The following JPT2 variants were observed in gnomAD, a reference collection of about 807,000 sequenced individuals.
JPT2 encodes Jupiter microtubule associated homolog 2.
In JPT2, 9 loss-of-function variants were observed where a neutral mutation model predicts 15.9. That is an observed-to-expected ratio of 0.57 (90% confidence interval 0.34 to 0.99). The LOEUF is 0.99. Ranked by LOEUF, JPT2 falls within the 50% of genes least tolerant of loss-of-function variation. The pLI is 0.02. For synonymous variants in JPT2, 95 were observed against 91.7 expected (o/e 1.04, Z -0.21); for missense variants, 267 against 252.1 (o/e 1.06, Z -0.40).
chr16:1,702,206 C>T (rs759316041), downstream of JPT2: 6 of 454,228 alleles, frequency 1.3e-5, no homozygotes, highest in Non-Finnish European at 2.7e-5. Context: ...GGCTCCACAC[C>T]ATTCTGCCTG....
intron 3 of JPT2, among the ~76,000 whole-genome samples, chr16:1,694,335 A>G (rs1160495910): frequency 6.6e-6 from 1 of 152,252 alleles, no homozygotes. Context: ...ACCAAGCCAC[A>G]TATTAATTAA....
At chr16:1,692,200 C>G in intron 3 of JPT2, 1 of 624,328 alleles carries the variant, frequency 1.6e-6, no homozygotes, top group South Asian at 2.0e-5. Flanking sequence ...GTGGGGGAAG[C>G]TCTTCTGTGC....
At chr16:1,678,702 TTC>T (rs2036994616) in intron 1 of JPT2, among the ~76,000 whole-genome samples, 1 of 150,006 alleles carries the variant, frequency 6.7e-6, no homozygotes, top group African/African-American at 2.4e-5. Flanking sequence ...CGTGGGGGGT[TTC>T]CTGGGGGCGG....
intron 2 of JPT2, chr16:1,685,951 AGT>A (rs760428432): frequency 1.5e-4 from 30 of 196,118 alleles, no homozygotes; most frequent in Non-Finnish European, 2.5e-4. Flanking sequence ...AGGGAGGGAG[AGT>A]GTTTTTATTC....
Position 1,698,480 on chromosome 16 carries a change from A to G in JPT2, c.386-331A>G, listed in dbSNP as rs2037158266. Among the ~76,000 whole-genome samples, 1 of 152,026 alleles carries G rather than the reference A, an allele frequency of 6.6e-6. No homozygotes were observed. Among genetic ancestry groups the G allele is most frequent in the Admixed American group, 6.5e-5 (1 of 15,272 alleles). On this transcript the variant is annotated intron_variant, in intron 4 of 4. Transcript: ENST00000248098. This position sits in a 1 kb window ranked among gnomAD's most constrained non-coding sequence, Gnocchi z 4.9. Reference sequence around the variant, plus strand: ...TGCATTCCCTCGCCGCCTCATGGTCACTCTCAGGGGCTTGCTTTCTATACT... The same window carrying G: ...TGCATTCCCTCGCCGCCTCATGGTCGCTCTCAGGGGCTTGCTTTCTATACT...
intron 1 of JPT2, chr16:1,680,446 C>T (rs1370492196): frequency 1.6e-6 from 2 of 1,229,346 alleles, no homozygotes; most frequent in South Asian, 2.7e-5. Context: ...AGGGAGAAAA[C>T]TCTTCCTTTT....
chr16:1,682,155 C>T (rs1176978143), intron 1 of JPT2, among the ~76,000 whole-genome samples: 2 of 151,998 alleles, frequency 1.3e-5, no homozygotes. Flanking sequence ...GCGGGCGGAT[C>T]ACTTGAGGTC....
At position 1,698,954 on chromosome 16, in the gene JPT2, G is replaced by T. The variant is rs1482412275; in HGVS notation, c.529G>T (p.Val177Phe). 6.2e-7 allele frequency: 1 copy of T among 1,613,870 alleles called. No homozygotes were observed. Among genetic ancestry groups the T allele is most frequent in the South Asian group, 1.1e-5 (1 of 91,076 alleles). Reference protein sequence around the residue: ...LGPRPRSHNKVLNPPGGKSSI... With the variant: ...LGPRPRSHNKFLNPPGGKSSI... ...GCCGCGGCCTCGCTCTCACAACAAG[G>T]TCCTGAACCCACCGGGAGGCAAATC... Residue 177 changes from valine to phenylalanine, a missense_variant, in exon 5 of 5, where the codon GTC becomes TTC. By Grantham distance (50) the Val-to-Phe change is conservative. Transcript: ENST00000248098. The surrounding 1 kb of genome is among the most constrained non-coding windows in gnomAD (Gnocchi z 4.9).
At position 1,693,637 on chromosome 16, in the gene JPT2, G is replaced by A. The variant is rs533175397; in HGVS notation, c.336+1652G>A. Among the ~76,000 whole-genome samples the A allele has an allele frequency of 3.3e-5, 5 of 152,252 alleles. No individual in the cohort carries two copies. In the East Asian group the frequency reaches 9.6e-4, roughly 29 times the overall value. On this transcript the variant is annotated intron_variant, in intron 3 of 4. Coordinates refer to ENST00000248098, the MANE Select transcript of JPT2 (RefSeq NM_144570.3). The stretch of plus-strand genomic sequence containing the variant: ...ATCAGTACAACTGGGCATAGAACAA[G>A]TGGAAACAGAGTAGAGCTTTCTTTG...
chr16:1,699,857 A>T lies in JPT2; in HGVS notation c.*859A>T, dbSNP rs1043700271. On this transcript the variant is annotated 3_prime_UTR_variant, in exon 5 of 5. Coordinates refer to ENST00000248098, the MANE Select transcript of JPT2 (RefSeq NM_144570.3). ...AATGAGGCCCGCTGACCTCTGCGGG[A>T]CTTTAAAAATCTATTCAGATATTTC... 7.0e-6 allele frequency: 2 copies of T among 284,780 alleles called. No homozygotes were observed. The highest frequency in any genetic ancestry group is 1.4e-5 in the Non-Finnish European group (2 of 138,648). 17.6% of individuals were successfully genotyped at this position (284,780 alleles called of 1,614,324 possible).
At position 1,699,532 on chromosome 16, in the gene JPT2, CT is replaced by C; in HGVS notation, c.*538del. ...GTCTTTTCTTGAAACATCTTGATTG[CT>C]TTTCCTCGGCAGCTTTCAAAAAACC... On this transcript the variant is annotated 3_prime_UTR_variant, in exon 5 of 5. Transcript: ENST00000248098. 3.1e-6 allele frequency: 1 copy of C among 319,268 alleles called. No individual in the cohort carries two copies. Among genetic ancestry groups the C allele is most frequent in the South Asian group, 2.7e-5 (1 of 37,372 alleles). 19.8% of individuals were successfully genotyped at this position (319,268 alleles called of 1,614,324 possible).
At chr16:1,694,614 A>G (rs1219665707) in intron 3 of JPT2, among the ~76,000 whole-genome samples, 1 of 152,218 alleles carries the variant, frequency 6.6e-6, no homozygotes, top group Non-Finnish European at 1.5e-5. Flanking sequence ...TCCAAACAGC[A>G]TGGCACTGGC....
At chr16:1,702,320 G>A (rs549115253), downstream of JPT2, 187 of 305,462 alleles carry the variant, frequency 6.1e-4, no homozygotes, top group African/African-American at 3.7e-3. Flanking sequence ...GGTATAGAGC[G>A]AGTTCCAAGA....
chr16:1,698,411 C>T lies in JPT2; in HGVS notation c.386-400C>T, dbSNP rs1311559916. Among the ~76,000 whole-genome samples the T allele has an allele frequency of 6.6e-6, 1 of 152,214 alleles. No individual in the cohort carries two copies. Among genetic ancestry groups the T allele is most frequent in the African/African-American group, 2.4e-5 (1 of 41,460 alleles). On this transcript the variant is annotated intron_variant, in intron 4 of 4. Transcript: ENST00000248098. This position sits in a 1 kb window ranked among gnomAD's most constrained non-coding sequence, Gnocchi z 4.9. ...TTCACCTTTGAAAAGCCCAGGGTAACAGCAACAGAGCCTGCCTTTGCCTTG... is the reference window on the plus strand; with the variant it reads ...TTCACCTTTGAAAAGCCCAGGGTAATAGCAACAGAGCCTGCCTTTGCCTTG...
chr16:1,679,015 A>G (rs943501546), intron 1 of JPT2, among the ~76,000 whole-genome samples: 4 of 152,236 alleles, frequency 2.6e-5, no homozygotes, highest in Admixed American at 1.3e-4. Context: ...CTGTAGGAAG[A>G]AGTGGATTGG....
Position 1,698,984 on chromosome 16 carries a change from A to T in JPT2, c.559A>T (p.Ile187Phe), listed in dbSNP as rs1410951607. ...GAACCCACCGGGAGGCAAATCCAGC[A>T]TCTCCTTCTACTAAGAGAAGCCACT... ...VLNPPGGKSS[I>F]SFY Residue 187 changes from isoleucine (I) to phenylalanine (F), a missense_variant, in exon 5 of 5, where the codon ATC becomes TTC. Transcript: ENST00000248098. The surrounding 1 kb of genome is among the most constrained non-coding windows in gnomAD (Gnocchi z 4.9). The T allele has an allele frequency of 1.2e-6, 2 of 1,612,804 alleles. No individual in the cohort carries two copies. Among genetic ancestry groups the T allele is most frequent in the East Asian group, 2.2e-5 (1 of 44,872 alleles).
At chr16:1,696,771 G>A (rs191412008) in intron 3 of JPT2, among the ~76,000 whole-genome samples, 391 of 152,278 alleles carry the variant, frequency 2.6e-3, no homozygotes, top group African/African-American at 9.0e-3. Flanking sequence ...TCAGAAACCC[G>A]TGAGATGCCA....
At position 1,698,988 on chromosome 16, in the gene JPT2, C is replaced by T. The variant is rs2142231885; in HGVS notation, c.563C>T (p.Ser188Phe). Residue 188 changes from serine (S) to phenylalanine (F), a missense_variant, in exon 5 of 5, where the codon TCC becomes TTC. By Grantham distance (155) the Ser-to-Phe change is radical (BLOSUM62 -2). Coordinates refer to ENST00000248098, the MANE Select transcript of JPT2 (RefSeq NM_144570.3). This position sits in a 1 kb window ranked among gnomAD's most constrained non-coding sequence, Gnocchi z 4.9. ...CCACCGGGAGGCAAATCCAGCATCT[C>T]CTTCTACTAAGAGAAGCCACTGCTC... is the stretch of plus-strand genomic sequence containing the variant. ...LNPPGGKSSI[S>F]FY is the part of the protein sequence containing the mutation. 1 of 1,612,636 alleles carries T rather than the reference C, an allele frequency of 6.2e-7. No individual in the cohort carries two copies. The highest frequency in any genetic ancestry group is 8.5e-7 in the Non-Finnish European group (1 of 1,179,146).
intron 1 of JPT2, chr16:1,683,430 T>G: frequency 1.1e-6 from 1 of 915,596 alleles, no homozygotes; most frequent in South Asian, 1.5e-5. Context: ...TCATTTAAGC[T>G]TGGTTATTGG....
Sources: allele counts gnomAD v4.1 joint callset (sites outside exome capture counted in the v4.1 genomes callset), GRCh38; gene constraint gnomAD v4.1.1; non-coding constraint Gnocchi (gnomAD v3.1); transcripts MANE v1.5; gene names NCBI Gene and HGNC (gene_info 2026-07-23, HGNC 2026-07-21).